FA2H: variants seen among roughly 807,000 people sequenced by gnomAD.
FA2H encodes the protein fatty acid 2-hydroxylase.
FA2H carries 22 observed loss-of-function variants against 44.9 expected under a neutral mutation model. That is an observed-to-expected ratio of 0.49 (90% CI 0.35 to 0.70). FA2H has a LOEUF of 0.70. Among genes scored for constraint, FA2H ranks in the 30% least tolerant of loss-of-function variants. The pLI, the probability that FA2H is intolerant of heterozygous loss-of-function variation, is 0.01. For synonymous variants in FA2H, 243 were observed against 213.2 expected, an observed-to-expected ratio of 1.14 and a Z score of -1.22; for missense variants, 501 against 504.9, an observed-to-expected ratio of 0.99 and a Z score of 0.07.
At chr16:74,716,827 A>T in intron 5 of FA2H, 14 of 354,218 alleles carry the variant, frequency 4.0e-5, no homozygotes, top group East Asian at 6.4e-5. Context: ...CAGATTGCAA[A>T]GGAACATGGG....
intron 1 of FA2H, among the ~76,000 whole-genome samples, chr16:74,763,646 T>C (rs976857505): frequency 7.9e-5 from 12 of 152,324 alleles, no homozygotes; most frequent in Non-Finnish European, 1.3e-4. Context: ...CATCATTCAA[T>C]GCTAAGCAAC....
At chr16:74,773,128 G>A (rs1239710404) in intron 1 of FA2H, among the ~76,000 whole-genome samples, 4 of 152,086 alleles carry the variant, frequency 2.6e-5, no homozygotes, top group Middle Eastern at 6.8e-3. Flanking sequence ...CTCTTACCTC[G>A]GCCTCCCAAA....
intron 2 of FA2H, among the ~76,000 whole-genome samples, chr16:74,730,646 C>T (rs139943850): frequency 1.3e-5 from 2 of 152,128 alleles, no homozygotes; most frequent in African/African-American, 4.8e-5. Context: ...CCTTATCTTG[C>T]GGCAGTCTGC....
At chr16:74,763,638 T>C (rs1049484736) in intron 1 of FA2H, among the ~76,000 whole-genome samples, 4 of 152,180 alleles carry the variant, frequency 2.6e-5, no homozygotes, top group Non-Finnish European at 5.9e-5. Flanking sequence ...AATCTGAACA[T>C]CATTCAATGC....
At chr16:74,749,529 G>A (rs990810624) in intron 1 of FA2H, among the ~76,000 whole-genome samples, 2 of 152,188 alleles carry the variant, frequency 1.3e-5, no homozygotes, top group Non-Finnish European at 2.9e-5. Flanking sequence ...AGACAGTCTT[G>A]GGCCCTGGGG....
Position 74,713,000 on chromosome 16 carries a change from T to G in FA2H, c.*1190A>C, listed in dbSNP as rs1040656018. On this transcript the variant is annotated 3_prime_UTR_variant, in exon 7 of 7. Coordinates refer to ENST00000219368, the MANE Select transcript of FA2H (RefSeq NM_024306.5). The stretch of plus-strand genomic sequence containing the variant: ...GTGTTTTATTTTTCAAAATATACAA[T>G]TTAAGTTTTTATTTCACAACCGTAG... The G allele has an allele frequency of 3.9e-5, 6 of 152,672 alleles. No homozygotes were observed. Among genetic ancestry groups the G allele is most frequent in the Non-Finnish European group, 5.9e-5 (4 of 68,054 alleles). The allele number at this position is 152,672 out of a possible 1,614,324, so 9.5% of individuals were successfully genotyped here.
At chr16:74,763,496 G>C (rs8052649) in intron 1 of FA2H, among the ~76,000 whole-genome samples, 1 of 152,174 alleles carries the variant, frequency 6.6e-6, no homozygotes, top group African/African-American at 2.4e-5. Context: ...GGCCTCAAGC[G>C]ATCCGCCTTC....
rs962072121 is a variant in FA2H, at chr16:74,713,146, T to G, written c.*1044A>C. On this transcript the variant is annotated 3_prime_UTR_variant, in exon 7 of 7. Coordinates refer to ENST00000219368, the MANE Select transcript of FA2H (RefSeq NM_024306.5). ...GGCGAGTTTTTTAAGTTTCAAGTAG[T>G]AATGGTTTGTGGGTAAGAAAGGAAC... 7 of 152,638 alleles carry G rather than the reference T, an allele frequency of 4.6e-5. No homozygotes were observed. The highest frequency in any genetic ancestry group is 1.7e-4 in the African/African-American group (7 of 41,442). 9.5% of individuals were successfully genotyped at this position (152,638 alleles called of 1,614,324 possible).
chr16:74,769,706 T>C (rs1041712070), intron 1 of FA2H, among the ~76,000 whole-genome samples: 9 of 152,188 alleles, frequency 5.9e-5, no homozygotes, highest in Non-Finnish European at 1.2e-4. Flanking sequence ...ATTTCTTTTG[T>C]GAAAAATGCC....
Position 74,764,714 on chromosome 16 carries a change from A to G in FA2H, c.270+9772T>C, listed in dbSNP as rs186548048. The stretch of plus-strand genomic sequence containing the variant: ...TAACAAACCTGCACATGTATTGCTG[A>G]ACTTAGAAGTTTAAAAAAAAAAAAA... On this transcript the variant is annotated intron_variant, in intron 1 of 6. Transcript: ENST00000219368. Among the ~76,000 whole-genome samples the G allele has an allele frequency of 3.9e-3, 584 of 151,218 alleles. 4 individuals are homozygous for G. Among genetic ancestry groups the G allele is most frequent in the Admixed American group, 7.7e-3 (117 of 15,170 alleles).
intron 1 of FA2H, among the ~76,000 whole-genome samples, chr16:74,740,477 A>G (rs1025834479): frequency 1.3e-5 from 2 of 151,668 alleles, no homozygotes; most frequent in African/African-American, 4.8e-5. Flanking sequence ...AAAGTTTACC[A>G]GGCGTGGTGG....
chr16:74,758,415 C>T (rs762651997), intron 1 of FA2H, among the ~76,000 whole-genome samples: 4 of 151,828 alleles, frequency 2.6e-5, no homozygotes, highest in African/African-American at 4.8e-5. Context: ...CCACCGTGCC[C>T]GGCTGGAAAC....
chr16:74,718,607 A>T lies in FA2H; in HGVS notation c.786+381T>A, dbSNP rs542659214. Among the ~76,000 whole-genome samples, 4 of 152,220 alleles carry T rather than the reference A, an allele frequency of 2.6e-5. No individual in the cohort carries two copies. In the South Asian group the frequency reaches 8.3e-4, roughly 32 times the overall value. ...CGGGGAGAACCATGGGGCTGTTTTCAGCACAAGCTCCAGGAGCGCAAGGCT... is the reference window on the plus strand; with the variant it reads ...CGGGGAGAACCATGGGGCTGTTTTCTGCACAAGCTCCAGGAGCGCAAGGCT... On this transcript the variant is annotated intron_variant, in intron 5 of 6. Transcript: ENST00000219368.
intron 6 of FA2H, among the ~76,000 whole-genome samples, chr16:74,715,085 G>A (rs371924350): frequency 8.6e-5 from 13 of 151,926 alleles, no homozygotes; most frequent in African/African-American, 9.7e-5. Flanking sequence ...TGATCTGCCC[G>A]TCTCGGCCTC....
At chr16:74,771,591 C>T (rs765315808) in intron 1 of FA2H, among the ~76,000 whole-genome samples, 11 of 152,052 alleles carry the variant, frequency 7.2e-5, no homozygotes, top group Non-Finnish European at 1.3e-4. Context: ...CCGCCTTACC[C>T]TCCCAAATTC....
chr16:74,722,836 G>A (rs961007373), intron 4 of FA2H, among the ~76,000 whole-genome samples: 7 of 149,380 alleles, frequency 4.7e-5, no homozygotes, highest in East Asian at 4.0e-4. Flanking sequence ...GCTTGAACCC[G>A]AGAGGCAGAG....
chr16:74,739,837 C>A (rs1006605274), intron 2 of FA2H, among the ~76,000 whole-genome samples, 186 bp downstream of exon 2: 2 of 152,144 alleles, frequency 1.3e-5, no homozygotes, highest in Non-Finnish European at 2.9e-5. Flanking sequence ...AGTGAGGCAC[C>A]CCCACACCCC....
At position 74,736,561 on chromosome 16, in the gene FA2H, G is replaced by C. The variant is rs528945250; in HGVS notation, c.363+3462C>G. Among the ~76,000 whole-genome samples the C allele has an allele frequency of 1.2e-4, 18 of 152,366 alleles. No individual in the cohort carries two copies. The South Asian group carries it at 2.7e-3, about 23-fold the overall frequency. On this transcript the variant is annotated intron_variant, in intron 2 of 6. Coordinates refer to ENST00000219368, the MANE Select transcript of FA2H (RefSeq NM_024306.5). ...GGCCCTGGGGACCCTGGTGGTCTGT[G>C]TTATGTCAGGCAGGGGGCAGGGACA...
In FA2H at chr16:74,774,554, T is replaced by C. The variant is rs750198250; in HGVS notation, c.202A>G (p.Arg68Gly). 3.0e-5 allele frequency: 47 copies of C among 1,545,222 alleles called. 1 individual carries two copies. In the African/African-American group the frequency reaches 3.6e-4, roughly 12 times the overall value. Residue 68 changes from arginine (R) to glycine (G), a missense_variant, in exon 1 of 7, where the codon AGG (arginine) becomes GGG (glycine). Physicochemically the swap from Arg to Gly is moderately radical, Grantham distance 125 (BLOSUM62 -2). Transcript: ENST00000219368. ...CAGCGGCGCGCGTTGGCCGAGTGCC[T>C]GTGCGGCGGCCCGTCCAGGTCGGCG... Reference protein sequence around the residue: ...ISADLDGPPHRHSANARRWLE... With the variant: ...ISADLDGPPHGHSANARRWLE...
Sources: allele counts gnomAD v4.1 joint callset (sites outside exome capture counted in the v4.1 genomes callset), GRCh38; gene constraint gnomAD v4.1.1; transcripts MANE v1.5; gene names NCBI Gene and HGNC (gene_info 2026-07-23, HGNC 2026-07-21).